ZSWIM6: variants seen among roughly 807,000 people sequenced by gnomAD.
ZSWIM6 encodes zinc finger SWIM-type containing 6.
ZSWIM6 carries 9 observed loss-of-function variants against 113.2 expected under a neutral mutation model. That is an observed-to-expected ratio of 0.08 (90% CI 0.05 to 0.14). The LOEUF (loss-of-function observed/expected upper bound fraction) is 0.14. ZSWIM6 is among the 10% of genes least tolerant of loss of function. ZSWIM6 has a pLI of 1.00. For missense variants in ZSWIM6, 1,162 were observed against 1,552.2 expected, an observed-to-expected ratio of 0.75 and a Z score of 4.22; for synonymous variants, 611 against 606.5, an observed-to-expected ratio of 1.01 and a Z score of -0.11.
chr5:61,519,922 G>A (rs935407530), intron 4 of ZSWIM6, among the ~76,000 whole-genome samples: 6 of 152,062 alleles, frequency 3.9e-5, no homozygotes, highest in African/African-American at 1.2e-4. Flanking sequence ...CCTCACATGC[G>A]CATTTCACAA....
intron 1 of ZSWIM6, among the ~76,000 whole-genome samples, chr5:61,398,834 G>A (rs959403148): frequency 1.3e-5 from 2 of 150,650 alleles, no homozygotes; most frequent in African/African-American, 2.4e-5. Context: ...GCTTTTTAGT[G>A]AGAGAAGGAA....
Position 61,472,954 on chromosome 5 carries a change from T to C in ZSWIM6, c.950T>C (p.Val317Ala). Reference sequence around the variant, plus strand: ...AAGTTTGTACAGTATTTGATCACAGTGCACCACACAGAAGTTTTGCCAACT... The same window carrying C: ...AAGTTTGTACAGTATTTGATCACAGCGCACCACACAGAAGTTTTGCCAACT... ...LQKFVQYLIT[V>A]HHTEVLPTAQ... The change falls in exon 2 of 14, where the codon GTG becomes GCG. Residue 317 changes from valine (V) to alanine (A), a missense_variant. Val to Ala is a moderately conservative substitution (Grantham distance 64). Around this residue, in one of 4 missense-constraint regions of ZSWIM6, gnomAD observed 96 missense variants for 240.3 expected, o/e 0.40. Transcript: ENST00000252744. The surrounding 1 kb of genome is among the most constrained non-coding windows in gnomAD (Gnocchi z 4.1). 1 of 1,549,542 alleles carries C rather than the reference T, an allele frequency of 6.5e-7. No homozygotes were observed. The highest frequency in any genetic ancestry group is 8.7e-7 in the Non-Finnish European group (1 of 1,145,794).
chr5:61,422,695 G>A, intron 1 of ZSWIM6, among the ~76,000 whole-genome samples: 1 of 152,140 alleles, frequency 6.6e-6, no homozygotes. Context: ...TCTAATCCAT[G>A]AACATGGAGT....
At chr5:61,368,062 G>T (rs1561210017) in intron 1 of ZSWIM6, among the ~76,000 whole-genome samples, 1 of 152,170 alleles carries the variant, frequency 6.6e-6, no homozygotes, top group Non-Finnish European at 1.5e-5. Context: ...AAAAGGTCGA[G>T]ACTGTAGTAA....
chr5:61,335,853 G>GA (rs1244821195), intron 1 of ZSWIM6, among the ~76,000 whole-genome samples: 5 of 152,054 alleles, frequency 3.3e-5, no homozygotes, highest in South Asian at 2.1e-4. Flanking sequence ...AAATTTAAGG[G>GA]AAAAAAATAA....
chr5:61,487,484 A>G (rs1289046117), intron 2 of ZSWIM6, among the ~76,000 whole-genome samples: 2 of 152,100 alleles, frequency 1.3e-5, no homozygotes, highest in African/African-American at 4.8e-5. Flanking sequence ...TGCTTTGGGC[A>G]ATAGGGTCAT....
intron 1 of ZSWIM6, among the ~76,000 whole-genome samples, chr5:61,395,587 A>G (rs910466873): frequency 1.3e-5 from 2 of 152,168 alleles, no homozygotes; most frequent in African/African-American, 4.8e-5. Flanking sequence ...TTTTAAAAAC[A>G]TGAGTTTAAA....
At chr5:61,489,119 C>T (rs778500313) in intron 2 of ZSWIM6, among the ~76,000 whole-genome samples, 2 of 151,962 alleles carry the variant, frequency 1.3e-5, no homozygotes, top group Non-Finnish European at 2.9e-5. Flanking sequence ...TTATTTCTTC[C>T]ATGCACCATG....
chr5:61,485,056 G>GA (rs1429425916), intron 2 of ZSWIM6, among the ~76,000 whole-genome samples: 1 of 152,094 alleles, frequency 6.6e-6, no homozygotes, highest in Non-Finnish European at 1.5e-5. Context: ...TTCCAGGGGG[G>GA]AAAATGTATA....
intron 1 of ZSWIM6, among the ~76,000 whole-genome samples, chr5:61,444,094 C>T (rs1746895397): frequency 1.9e-5 from 2 of 104,272 alleles, no homozygotes; most frequent in South Asian, 8.8e-4. Context: ...CTATCCCTCC[C>T]CCCTCCCCCC....
chr5:61,484,364 G>A (rs1747959007), intron 2 of ZSWIM6, among the ~76,000 whole-genome samples: 1 of 152,182 alleles, frequency 6.6e-6, no homozygotes, highest in Non-Finnish European at 1.5e-5. Flanking sequence ...TTTCGAGATG[G>A]AAGACTGTAT....
intron 1 of ZSWIM6, among the ~76,000 whole-genome samples, chr5:61,422,442 G>A (rs1220235439): frequency 6.6e-6 from 1 of 152,044 alleles, no homozygotes; most frequent in African/African-American, 2.4e-5. Context: ...TTTTTATGCT[G>A]GCACTGTACT....
chr5:61,362,641 G>A (rs1745054041), intron 1 of ZSWIM6, among the ~76,000 whole-genome samples: 1 of 152,136 alleles, frequency 6.6e-6, no homozygotes, highest in South Asian at 2.1e-4. Context: ...AAATGTTGGT[G>A]TCCCTATCGT....
At chr5:61,431,372 C>CAAAAAAA in intron 1 of ZSWIM6, among the ~76,000 whole-genome samples, 1 of 44,526 alleles carries the variant, frequency 2.2e-5, no homozygotes, top group Non-Finnish European at 3.8e-5. Context: ...ACTCCATCTC[C>CAAAAAAA]AAAAAAAAAA....
At chr5:61,493,457 TA>T (rs925776228) in intron 3 of ZSWIM6, among the ~76,000 whole-genome samples, 20 of 152,160 alleles carry the variant, frequency 1.3e-4, no homozygotes, top group Non-Finnish European at 2.1e-4. Context: ...AAGCTGTTCC[TA>T]AAAAAACTAA....
intron 1 of ZSWIM6, among the ~76,000 whole-genome samples, chr5:61,407,239 CAGTG>C (rs1396747041): frequency 6.6e-6 from 1 of 152,114 alleles, no homozygotes; most frequent in Non-Finnish European, 1.5e-5. Context: ...CATTTCCAAT[CAGTG>C]AGAAAAGATA....
intron 2 of ZSWIM6, among the ~76,000 whole-genome samples, chr5:61,481,375 A>G (rs941027853): frequency 6.6e-6 from 1 of 152,072 alleles, no homozygotes; most frequent in African/African-American, 2.4e-5. Flanking sequence ...TATGGCGTAT[A>G]TATGCTTTAT....
chr5:61,412,850 C>CTCAT (rs762180720), intron 1 of ZSWIM6, among the ~76,000 whole-genome samples: 48 of 151,990 alleles, frequency 3.2e-4, no homozygotes, highest in South Asian at 4.1e-4. Context: ...ATTTTCTGTT[C>CTCAT]TCATTCATTC....
chr5:61,465,983 G>A (rs1747426230), intron 1 of ZSWIM6, among the ~76,000 whole-genome samples: 1 of 152,178 alleles, frequency 6.6e-6, no homozygotes, highest in Non-Finnish European at 1.5e-5. Flanking sequence ...CAGCTCACAG[G>A]ATGCAGTCCC....
Sources: gnomAD v4.1 joint callset for allele counts (sites outside exome capture counted in the v4.1 genomes callset) on GRCh38, gnomAD v4.1.1 for gene constraint, gnomAD v4.1.1 regional missense constraint, Gnocchi (gnomAD v3.1) non-coding constraint, MANE v1.5 for transcripts, NCBI Gene and HGNC (gene_info 2026-07-23, HGNC 2026-07-21) for gene names.